The following DENND2B variants were observed in gnomAD, a reference collection of about 807,000 sequenced individuals.
DENND2B encodes DENN domain containing 2B, also known as DENN domain-containing protein 2B.
DENND2B carries 32 observed loss-of-function variants against 116.0 expected under a neutral mutation model. The observed-to-expected ratio is 0.28, with a 90% CI of 0.21 to 0.37. DENND2B has a LOEUF of 0.37. Among genes scored for constraint, DENND2B ranks in the 10% least tolerant of loss-of-function variants. The pLI, the probability that DENND2B is intolerant of heterozygous loss-of-function variation, is 1.00. For synonymous variants in DENND2B, 588 were observed against 583.9 expected (o/e 1.01, Z -0.10); for missense variants, 1,276 against 1,477.7 (o/e 0.86, Z 2.24).
chr11:8,812,713 A>G (rs1406025620), upstream of DENND2B, among the ~76,000 whole-genome samples: 1 of 152,216 alleles, frequency 6.6e-6, no homozygotes, highest in African/African-American at 2.4e-5. Context: ...TTCCACCTAC[A>G]GAGCCTACTG....
intron 1 of DENND2B, among the ~76,000 whole-genome samples, chr11:8,887,158 C>T (rs759791811): frequency 7.2e-5 from 11 of 152,312 alleles, no homozygotes; most frequent in Non-Finnish European, 1.0e-4. Flanking sequence ...AATAAATTTT[C>T]ATTTTGCAGC....
At chr11:8,789,810 CAG>C (rs2059224932) in intron 1 of DENND2B, among the ~76,000 whole-genome samples, 1 of 152,184 alleles carries the variant, frequency 6.6e-6, no homozygotes, top group Admixed American at 6.5e-5. Flanking sequence ...GCAGATTTAG[CAG>C]AGTGTGGTGG....
At chr11:8,749,519 G>T (rs1375493028) in intron 2 of DENND2B, among the ~76,000 whole-genome samples, 6 of 152,214 alleles carry the variant, frequency 3.9e-5, no homozygotes, top group African/African-American at 7.2e-5. Context: ...ACAAAGTCCT[G>T]TATGTATGGT....
At chr11:8,847,402 T>C (rs1311999918) in intron 3 of DENND2B, among the ~76,000 whole-genome samples, 2 of 152,220 alleles carry the variant, frequency 1.3e-5, no homozygotes, top group Non-Finnish European at 2.9e-5. Flanking sequence ...CCTTTACCTT[T>C]TATAACGAAC....
chr11:8,847,921 C>G lies in DENND2B; in HGVS notation c.-155-8571G>C, dbSNP rs1039281894. Among the ~76,000 whole-genome samples the G allele has an allele frequency of 9.2e-5, 14 of 152,212 alleles. No homozygotes were observed. In the East Asian group the frequency reaches 2.7e-3, roughly 29 times the overall value. ...CCCGCAAATGATCAAAGTCTTTGAA[C>G]AAATGGCCTCAAATCTATAAAGTTT... On this transcript the variant is annotated intron_variant, in intron 3 of 6. Transcript: ENST00000524757.
chr11:8,702,469 G>A lies in DENND2B; in HGVS notation c.2720+103C>T. 1 of 1,526,126 alleles carries A rather than the reference G, an allele frequency of 6.6e-7. No individual in the cohort carries two copies. Among genetic ancestry groups the A allele is most frequent in the South Asian group, 1.2e-5 (1 of 86,046 alleles). 94.5% of individuals were successfully genotyped at this position (1,526,126 alleles called of 1,614,324 possible). On this transcript the variant is annotated intron_variant, in intron 14 of 19. Coordinates refer to ENST00000313726, the MANE Select transcript of DENND2B (RefSeq NM_213618.2). The surrounding 1 kb of genome is among the most constrained non-coding windows in gnomAD (Gnocchi z 4.6). ...TCTCCCTACGCACAGCCCCACTCCA[G>A]CACTGGTCTCCGGCGCCTGCTTAGG...
At chr11:8,869,566 G>A (rs991170066) in intron 2 of DENND2B, among the ~76,000 whole-genome samples, 1 of 152,052 alleles carries the variant, frequency 6.6e-6, no homozygotes, top group African/African-American at 2.4e-5. Flanking sequence ...GGAGGCTGAG[G>A]CAGGAGAATT....
intron 3 of DENND2B, among the ~76,000 whole-genome samples, chr11:8,843,937 G>A (rs1000096601): frequency 6.6e-6 from 1 of 152,092 alleles, no homozygotes; most frequent in Non-Finnish European, 1.5e-5. Flanking sequence ...AACATTCTTT[G>A]CTTTCCTCTG....
chr11:8,784,011 C>T (rs2058649164), intron 1 of DENND2B: 1 of 152,186 alleles, frequency 6.6e-6, no homozygotes, highest in Non-Finnish European at 1.5e-5. Flanking sequence ...ACGTTTTTCA[C>T]TTCACAGATT....
At chr11:8,804,843 C>T (rs532436999) in intron 1 of DENND2B, among the ~76,000 whole-genome samples, 11 of 152,276 alleles carry the variant, frequency 7.2e-5, no homozygotes, top group African/African-American at 2.6e-4. Flanking sequence ...TGCGCCCAAC[C>T]AGCAGCTACT....
intron 3 of DENND2B, among the ~76,000 whole-genome samples, chr11:8,728,199 T>C (rs1358851368): frequency 6.6e-6 from 1 of 152,210 alleles, no homozygotes; most frequent in Non-Finnish European, 1.5e-5. Context: ...AGATGAGGTC[T>C]CATTATGTTG....
intron 1 of DENND2B, among the ~76,000 whole-genome samples, chr11:8,795,031 T>C (rs747905121): frequency 2.6e-5 from 4 of 152,216 alleles, no homozygotes; most frequent in Admixed American, 6.5e-5. Flanking sequence ...TGCCAGCCAG[T>C]AGTAGTGCTG....
At chr11:8,831,862 A>C (rs1016890340) in intron 4 of DENND2B, 7 of 152,088 alleles carry the variant, frequency 4.6e-5, no homozygotes, top group African/African-American at 1.2e-4. Context: ...GTGCACTCTG[A>C]AAGATTTTAA....
rs2041075595 is a variant in DENND2B, at chr11:8,699,398, GCAGA to G, written c.2721-12_2721-9del. 6.3e-7 allele frequency: 1 copy of G among 1,588,866 alleles called. No homozygotes were observed. The highest frequency in any genetic ancestry group is 8.5e-7 in the Non-Finnish European group (1 of 1,173,352). ...GAGCAGCTGGAGAGGGTACTGATGG[GCAGA>G]CAGAGAGACAGAGTACCTGAGCCCA... On this transcript the variant is annotated splice_polypyrimidine_tract_variant and intron_variant, in intron 14 of 19. Coordinates refer to ENST00000313726, the MANE Select transcript of DENND2B (RefSeq NM_213618.2).
chr11:8,891,637 A>G (rs945590934), intron 1 of DENND2B, among the ~76,000 whole-genome samples: 2 of 152,214 alleles, frequency 1.3e-5, no homozygotes, highest in African/African-American at 2.4e-5. Flanking sequence ...ATCAAAAGAG[A>G]CAAAGAAGGC....
intron 1 of DENND2B, among the ~76,000 whole-genome samples, chr11:8,909,175 C>T (rs1025516735): frequency 2.0e-5 from 3 of 152,106 alleles, no homozygotes; most frequent in Admixed American, 6.6e-5. Flanking sequence ...TTGCCCAGAA[C>T]CACAGAGCAA....
At chr11:8,714,934 A>C (rs921682299) in intron 6 of DENND2B, among the ~76,000 whole-genome samples, 2 of 152,170 alleles carry the variant, frequency 1.3e-5, no homozygotes, top group African/African-American at 4.8e-5. Context: ...TCCTGCCCCA[A>C]GACAAGGACA....
At chr11:8,753,600 C>A (rs1471036507) in intron 1 of DENND2B, among the ~76,000 whole-genome samples, 2 of 151,690 alleles carry the variant, frequency 1.3e-5, no homozygotes, top group Non-Finnish European at 2.9e-5. Context: ...ACAGGACAGC[C>A]AAAACAATCT....
chr11:8,756,600 G>T (rs2053649797), intron 1 of DENND2B, among the ~76,000 whole-genome samples: 1 of 152,210 alleles, frequency 6.6e-6, no homozygotes, highest in Admixed American at 6.5e-5. Flanking sequence ...TCTGGGCCAG[G>T]TCTATCAGGA....
Sources: allele counts gnomAD v4.1 joint callset (sites outside exome capture counted in the v4.1 genomes callset), GRCh38; gene constraint gnomAD v4.1.1; non-coding constraint Gnocchi (gnomAD v3.1); transcripts MANE v1.5; gene names NCBI Gene and HGNC (gene_info 2026-07-23, HGNC 2026-07-21).